The following ST6GALNAC3 variants were observed in gnomAD, a reference collection of about 807,000 sequenced individuals.
ST6GALNAC3 encodes the protein alpha-N-acetylgalactosaminide alpha-2,6-sialyltransferase 3.
Under a neutral mutation model 32.7 loss-of-function variants are expected in ST6GALNAC3, and 25 were observed. That is an observed-to-expected ratio of 0.76 (90% confidence interval 0.56 to 1.07). ST6GALNAC3 has a LOEUF of 1.07. Ranked by LOEUF, ST6GALNAC3 falls within the 50% of genes least tolerant of loss-of-function variation. The probability of loss-of-function intolerance (pLI) is 0.00; values close to 1 mark genes in which losing one functional copy is unlikely to be tolerated. For missense variants in ST6GALNAC3, 355 were observed against 382.4 expected, an observed-to-expected ratio of 0.93 and a Z score of 0.60; for synonymous variants, 129 against 133.1, an observed-to-expected ratio of 0.97 and a Z score of 0.21.
In ST6GALNAC3 at chr1:76,168,241, T is replaced by C. The variant is rs138072851; in HGVS notation, c.18+93357T>C. On this transcript the variant is annotated intron_variant, in intron 1 of 4. Transcript: ENST00000328299. ...TGATTTCTGCCTTAATTAATTTTTT[T>C]ACCTCAAAGCCATTTAGGAACAAGT... 2.8e-3 allele frequency among the ~76,000 whole-genome samples: 428 copies of C among 152,346 alleles called. 11 individuals carry two copies. Among genetic ancestry groups the C allele is most frequent in the Admixed American group, 0.027 (409 of 15,304 alleles).
At position 76,132,759 on chromosome 1, in the gene ST6GALNAC3, C is replaced by T. The variant is rs3915925; in HGVS notation, c.18+57875C>T. 7.2e-4 allele frequency among the ~76,000 whole-genome samples: 110 copies of T among 152,280 alleles called. 2 individuals carry two copies. In the South Asian group the frequency reaches 0.022, roughly 30 times the overall value. On this transcript the variant is annotated intron_variant, in intron 1 of 4. Coordinates refer to ENST00000328299, the MANE Select transcript of ST6GALNAC3 (RefSeq NM_152996.4). ...ACCTCGCTCATTGTCATCCCAGGGA[C>T]AGAAGAAGGGACAAGGAAGTCTTCC... is the stretch of plus-strand genomic sequence containing the variant.
intron 3 of ST6GALNAC3, among the ~76,000 whole-genome samples, chr1:76,559,454 TAGGC>T (rs1665118558): frequency 6.6e-6 from 1 of 151,834 alleles, no homozygotes; most frequent in Non-Finnish European, 1.5e-5. Context: ...GATCATGGAG[TAGGC>T]AATTACTTTT....
At chr1:76,538,299 G>T (rs1015419629) in intron 3 of ST6GALNAC3, among the ~76,000 whole-genome samples, 1 of 152,082 alleles carries the variant, frequency 6.6e-6, no homozygotes, top group African/African-American at 2.4e-5. Flanking sequence ...TGGAGAAAAG[G>T]TATTTGATAA....
intron 1 of ST6GALNAC3, among the ~76,000 whole-genome samples, chr1:76,256,487 G>A (rs1431754879): frequency 1.3e-5 from 2 of 152,228 alleles, no homozygotes; most frequent in East Asian, 3.9e-4. Context: ...ATTTTGAAGT[G>A]GCGTTGTAAG....
intron 2 of ST6GALNAC3, among the ~76,000 whole-genome samples, chr1:76,355,195 T>A (rs1269241823): frequency 6.6e-6 from 1 of 152,154 alleles, no homozygotes; most frequent in Non-Finnish European, 1.5e-5. Context: ...TTCTTGAAAA[T>A]GACCCACAAG....
intron 2 of ST6GALNAC3, among the ~76,000 whole-genome samples, chr1:76,405,248 T>C (rs1653739046): frequency 6.6e-6 from 1 of 152,114 alleles, no homozygotes; most frequent in African/African-American, 2.4e-5. Flanking sequence ...ATTTAATAAC[T>C]AGAACCAGTT....
At chr1:76,362,590 A>C (rs1370889113) in intron 2 of ST6GALNAC3, among the ~76,000 whole-genome samples, 2 of 152,246 alleles carry the variant, frequency 1.3e-5, no homozygotes, top group Non-Finnish European at 2.9e-5. Flanking sequence ...CTTACTTCCA[A>C]GATACAATGG....
chr1:76,272,272 G>A (rs1388364266), intron 1 of ST6GALNAC3, among the ~76,000 whole-genome samples: 1 of 146,892 alleles, frequency 6.8e-6, no homozygotes. Flanking sequence ...GCAGTGAGCC[G>A]AGATCGCGCC....
chr1:76,433,536 A>G (rs965085451), intron 3 of ST6GALNAC3, among the ~76,000 whole-genome samples: 1 of 152,186 alleles, frequency 6.6e-6, no homozygotes, highest in Non-Finnish European at 1.5e-5. Flanking sequence ...CTATTTTGAC[A>G]AGGAAAAAAA....
At chr1:76,251,291 C>T (rs183842285) in intron 1 of ST6GALNAC3, among the ~76,000 whole-genome samples, 2 of 152,280 alleles carry the variant, frequency 1.3e-5, no homozygotes, top group African/African-American at 4.8e-5. Flanking sequence ...AAGGCCTCTT[C>T]CACACCCAAC....
chr1:76,278,804 A>G (rs191528262), intron 1 of ST6GALNAC3, among the ~76,000 whole-genome samples: 1 of 152,288 alleles, frequency 6.6e-6, no homozygotes, highest in Non-Finnish European at 1.5e-5. Flanking sequence ...TAGGAAAGCC[A>G]AGTAATTTAC....
intron 3 of ST6GALNAC3, among the ~76,000 whole-genome samples, chr1:76,588,275 T>G (rs1646994300): frequency 6.6e-6 from 1 of 152,080 alleles, no homozygotes; most frequent in African/African-American, 2.4e-5. Flanking sequence ...TTTTTTTTAA[T>G]GTAGCCATAT....
intron 3 of ST6GALNAC3, among the ~76,000 whole-genome samples, chr1:76,569,268 T>G (rs1231893311): frequency 6.6e-6 from 1 of 152,172 alleles, no homozygotes; most frequent in African/African-American, 2.4e-5. Context: ...TTTTGTTGTA[T>G]TGGTACAAAA....
At chr1:76,237,368 A>G (rs1314290688) in intron 1 of ST6GALNAC3, among the ~76,000 whole-genome samples, 1 of 152,166 alleles carries the variant, frequency 6.6e-6, no homozygotes, top group African/African-American at 2.4e-5. Context: ...TCCTGACCTC[A>G]AGTGATTCAC....
At chr1:76,094,115 A>C (rs542151108) in intron 1 of ST6GALNAC3, among the ~76,000 whole-genome samples, 5 of 152,314 alleles carry the variant, frequency 3.3e-5, no homozygotes, top group African/African-American at 1.2e-4. Context: ...GGCATCTGCC[A>C]CAGGAACACG....
intron 2 of ST6GALNAC3, among the ~76,000 whole-genome samples, chr1:76,342,538 G>A (rs1648134190): frequency 6.6e-6 from 1 of 151,168 alleles, no homozygotes; most frequent in African/African-American, 2.4e-5. Context: ...CATATCCTTT[G>A]CCCACTTTTT....
At chr1:76,486,759 C>G (rs1234834189) in intron 3 of ST6GALNAC3, among the ~76,000 whole-genome samples, 1 of 152,116 alleles carries the variant, frequency 6.6e-6, no homozygotes, top group Non-Finnish European at 1.5e-5. Context: ...TGAATTTGAT[C>G]CTGTCATTAT....
At chr1:76,105,684 A>G (rs1303495350) in intron 1 of ST6GALNAC3, among the ~76,000 whole-genome samples, 1 of 152,222 alleles carries the variant, frequency 6.6e-6, no homozygotes, top group Non-Finnish European at 1.5e-5. Context: ...ATGTGGTATT[A>G]AGACATGACA....
chr1:76,175,553 G>C lies in ST6GALNAC3; in HGVS notation c.18+100669G>C, dbSNP rs78402350. ...TTTTTTTTGGTGTGGGCTTGGCCATGATGGGGAACTTGGTTGAAAGATGAG... is the reference window on the plus strand; with the variant it reads ...TTTTTTTTGGTGTGGGCTTGGCCATCATGGGGAACTTGGTTGAAAGATGAG... On this transcript the variant is annotated intron_variant, in intron 1 of 4. Coordinates refer to ENST00000328299, the MANE Select transcript of ST6GALNAC3 (RefSeq NM_152996.4). Among the ~76,000 whole-genome samples, 657 of 150,188 alleles carry C rather than the reference G, an allele frequency of 4.4e-3. 7 individuals are homozygous for C. The highest frequency in any genetic ancestry group is 0.015 in the African/African-American group (631 of 40,942).
Sources: allele counts gnomAD v4.1 joint callset (sites outside exome capture counted in the v4.1 genomes callset), GRCh38; gene constraint gnomAD v4.1.1; transcripts MANE v1.5; gene names NCBI Gene and HGNC (gene_info 2026-07-23, HGNC 2026-07-21).